The following TAFA5 variants were observed in gnomAD, a reference collection of about 807,000 sequenced individuals.
TAFA5 encodes the protein chemokine-like protein TAFA-5.
TAFA5 carries 6 observed loss-of-function variants against 15.3 expected under a neutral mutation model. The ratio of observed to expected loss-of-function variants is 0.39; its 90% confidence interval spans 0.21 to 0.77. The LOEUF is 0.77. Ranked by LOEUF, TAFA5 falls within the 30% of genes least tolerant of loss-of-function variation. The pLI is 0.41. For missense variants in TAFA5, 161 were observed against 193.1 expected (o/e 0.83, Z 0.98); for synonymous variants, 103 against 80.7 (o/e 1.28, Z -1.48).
chr22:48,581,772 A>G (rs1924053441), intron 1 of TAFA5, among the ~76,000 whole-genome samples: 1 of 152,192 alleles, frequency 6.6e-6, no homozygotes. Flanking sequence ...TCTTAAACAT[A>G]AACTACAGGA....
At position 48,656,728 on chromosome 22, in the gene TAFA5, A is replaced by ATTT. The variant is rs140141634; in HGVS notation, c.262+9989_262+9991dup. ...TTTTTTTTTTTTGAGATGGAGTCTC[A>ATTT]TTTTTTTTTCTTTTGAGATGGAGTC... On this transcript the variant is annotated intron_variant, in intron 2 of 3. Coordinates refer to ENST00000402357, the MANE Select transcript of TAFA5 (RefSeq NM_001082967.3). Among the ~76,000 whole-genome samples the ATTT allele has an allele frequency of 6.2e-5, 6 of 96,570 alleles. 3 individuals carry two copies. The allele number at this position is 96,570 out of a possible 152,430, so 63.4% of individuals were successfully genotyped here. A position where few individuals can be genotyped will look rare whatever the true frequency, so the allele number is the denominator to read the frequency against.
intron 1 of TAFA5, among the ~76,000 whole-genome samples, chr22:48,632,534 C>T (rs1400561985): frequency 6.6e-6 from 1 of 151,060 alleles, no homozygotes; most frequent in Non-Finnish European, 1.5e-5. Flanking sequence ...TCGGTGCCTG[C>T]CACCCTTGCG....
At chr22:48,607,635 G>A (rs924997678) in intron 1 of TAFA5, among the ~76,000 whole-genome samples, 1 of 139,284 alleles carries the variant, frequency 7.2e-6, no homozygotes, top group Non-Finnish European at 1.6e-5. Context: ...CCCATCCCAG[G>A]TACCTCAGTC....
rs975858994 is a variant in TAFA5 at position 48,750,426 on chromosome 22, T to A, written c.*579T>A. 1 of 153,302 alleles carries A rather than the reference T, an allele frequency of 6.5e-6. No individual in the cohort carries two copies. Among genetic ancestry groups the A allele is most frequent in the Non-Finnish European group, 1.5e-5 (1 of 68,612 alleles). 9.5% of individuals were successfully genotyped at this position (153,302 alleles called of 1,614,324 possible). ...GGCAATGGTGGCAGAGACATGCTGG[T>A]GGCCCCGGCGGAGCGGAGAGGGCGG... On this transcript the variant is annotated 3_prime_UTR_variant, in exon 4 of 4. Transcript: ENST00000402357.
rs950639513 is a variant in TAFA5, at chr22:48,550,781, A to G, written c.112+61077A>G. ...ATCCACGGGTGTCTGGGCTCCAGAA[A>G]GCTTTCTCTGACCTTCTTGTTCTCG... On this transcript the variant is annotated intron_variant, in intron 1 of 3. Transcript: ENST00000402357. The surrounding 1 kb of genome is among the most constrained non-coding windows in gnomAD (Gnocchi z 4.1). Among the ~76,000 whole-genome samples the G allele has an allele frequency of 1.3e-5, 2 of 151,936 alleles. No homozygotes were observed. Among genetic ancestry groups the G allele is most frequent in the African/African-American group, 4.8e-5 (2 of 41,372 alleles).
chr22:48,640,555 A>AGGGCAGGGCT (rs1555895035), intron 1 of TAFA5, among the ~76,000 whole-genome samples: 7 of 151,970 alleles, frequency 4.6e-5, no homozygotes, highest in East Asian at 1.9e-4. Context: ...AGGGCAGGGC[A>AGGGCAGGGCT]GGGCTGGGCT....
chr22:48,744,268 C>T (rs1037916288), intron 3 of TAFA5, among the ~76,000 whole-genome samples: 2 of 152,194 alleles, frequency 1.3e-5, no homozygotes, highest in African/African-American at 2.4e-5. Flanking sequence ...CGTTGAGCAT[C>T]GCTCTGTAGA....
chr22:48,556,823 C>G (rs571590504), intron 1 of TAFA5, among the ~76,000 whole-genome samples: 13 of 152,344 alleles, frequency 8.5e-5, no homozygotes, highest in African/African-American at 3.1e-4. Flanking sequence ...TCCACAGCCC[C>G]TGAGGCCCCA....
chr22:48,522,486 T>C (rs1921637833), intron 1 of TAFA5, among the ~76,000 whole-genome samples: 1 of 151,936 alleles, frequency 6.6e-6, no homozygotes, highest in Non-Finnish European at 1.5e-5. Flanking sequence ...GTGGGCTCCC[T>C]GGGGCAGTGG....
intron 1 of TAFA5, among the ~76,000 whole-genome samples, chr22:48,631,564 G>GGGGA (rs1926228243): frequency 1.3e-5 from 2 of 152,214 alleles, no homozygotes; most frequent in Non-Finnish European, 2.9e-5. Context: ...TCTTGGACCA[G>GGGGA]AGCCCCTGCT....
intron 1 of TAFA5, among the ~76,000 whole-genome samples, chr22:48,617,798 C>T (rs145136710): frequency 3.9e-5 from 6 of 152,164 alleles, no homozygotes; most frequent in East Asian, 3.9e-4. Flanking sequence ...TCTGAGAAGA[C>T]GGAGCAGGGC....
In TAFA5 at chr22:48,540,972, C is replaced by A. The variant is rs573122720; in HGVS notation, c.112+51268C>A. 3.3e-5 allele frequency among the ~76,000 whole-genome samples: 5 copies of A among 152,158 alleles called. No homozygotes were observed. The East Asian group carries it at 9.7e-4, about 29-fold the overall frequency. On this transcript the variant is annotated intron_variant, in intron 1 of 3. Coordinates refer to ENST00000402357, the MANE Select transcript of TAFA5 (RefSeq NM_001082967.3). Reference sequence around the variant, plus strand: ...CAGCTCTCTGTGTGGACGTGAGGCTCCAGACCTGGGCCAAACCCTGCAGAG... The same window carrying A: ...CAGCTCTCTGTGTGGACGTGAGGCTACAGACCTGGGCCAAACCCTGCAGAG...
rs1366380480 is a variant in TAFA5, at chr22:48,560,395, A to T, written c.112+70691A>T. Among the ~76,000 whole-genome samples, 2 of 152,038 alleles carry T rather than the reference A, an allele frequency of 1.3e-5. No individual in the cohort carries two copies. The highest frequency in any genetic ancestry group is 2.9e-5 in the Non-Finnish European group (2 of 67,992). On this transcript the variant is annotated intron_variant, in intron 1 of 3. Coordinates refer to ENST00000402357, the MANE Select transcript of TAFA5 (RefSeq NM_001082967.3). The surrounding 1 kb of genome is among the most constrained non-coding windows in gnomAD (Gnocchi z 4.2). ...TCGGCCTCCAATCCCTGGAGACCAC[A>T]CGTGGGATGCCAGGAGCACCAAGGG...
chr22:48,568,840 T>G (rs1923490166), intron 1 of TAFA5, among the ~76,000 whole-genome samples: 1 of 152,174 alleles, frequency 6.6e-6, no homozygotes, highest in Non-Finnish European at 1.5e-5. Context: ...CTAGATCTCC[T>G]TCCACTGTCC....
intron 3 of TAFA5, among the ~76,000 whole-genome samples, chr22:48,747,825 A>T: frequency 6.9e-6 from 1 of 145,642 alleles, no homozygotes; most frequent in South Asian, 2.3e-4. Flanking sequence ...TGAACGGGGG[A>T]GGCAGAGGTT....
intron 1 of TAFA5, chr22:48,576,710 A>G (rs1923822191): frequency 9.3e-7 from 1 of 1,075,396 alleles, no homozygotes; most frequent in African/African-American, 1.7e-5. Context: ...GCGGGCCCGG[A>G]GCGGCCGGCG....
Position 48,742,545 on chromosome 22 carries a change from G to A in TAFA5, c.391-7294G>A, listed in dbSNP as rs557058875. Reference sequence around the variant, plus strand: ...ACCAGGCGACGTGGTGGACCCGGCCGCATGGTGGACCAGGCAACGTGGTAG... The same window carrying A: ...ACCAGGCGACGTGGTGGACCCGGCCACATGGTGGACCAGGCAACGTGGTAG... On this transcript the variant is annotated intron_variant, in intron 3 of 3. Coordinates refer to ENST00000402357, the MANE Select transcript of TAFA5 (RefSeq NM_001082967.3). The surrounding 1 kb of genome is among the most constrained non-coding windows in gnomAD (Gnocchi z 6.2). 2.0e-5 allele frequency among the ~76,000 whole-genome samples: 3 copies of A among 152,080 alleles called. No homozygotes were observed. The highest frequency in any genetic ancestry group is 4.8e-5 in the African/African-American group (2 of 41,496).
At chr22:48,504,039 A>G (rs1304581949) in intron 1 of TAFA5, among the ~76,000 whole-genome samples, 1 of 152,164 alleles carries the variant, frequency 6.6e-6, no homozygotes, top group African/African-American at 2.4e-5. Flanking sequence ...CCACCCCAGA[A>G]CTCAACACCC....
At chr22:48,648,403 G>A (rs1479530125) in intron 2 of TAFA5, among the ~76,000 whole-genome samples, 2 of 152,190 alleles carry the variant, frequency 1.3e-5, no homozygotes, top group South Asian at 2.1e-4. Flanking sequence ...CCCGTGTGCT[G>A]TGATTGAGAA....
Sources: allele counts gnomAD v4.1 joint callset (sites outside exome capture counted in the v4.1 genomes callset), GRCh38; gene constraint gnomAD v4.1.1; non-coding constraint Gnocchi (gnomAD v3.1); transcripts MANE v1.5; gene names NCBI Gene and HGNC (gene_info 2026-07-23, HGNC 2026-07-21).